ERICH3: variants seen among roughly 807,000 people sequenced by gnomAD.
ERICH3 encodes the protein glutamate-rich protein 3.
A neutral mutation model predicts 131.1 loss-of-function variants in ERICH3; 126 were observed. The ratio of observed to expected loss-of-function variants is 0.96; its 90% CI spans 0.83 to 1.11. The LOEUF is 1.11. Among genes scored for constraint, ERICH3 ranks in the 50% most tolerant of loss-of-function variants. The pLI is 0.00. For missense variants in ERICH3, 2,050 were observed against 1,810.7 expected, an observed-to-expected ratio of 1.13 and a Z score of -2.40; for synonymous variants, 695 against 644.6, an observed-to-expected ratio of 1.08 and a Z score of -1.18.
chr1:74,598,037 C>A (rs1391716392), intron 11 of ERICH3, among the ~76,000 whole-genome samples: 3 of 151,880 alleles, frequency 2.0e-5, no homozygotes, highest in South Asian at 2.1e-4. Flanking sequence ...CTTGCATTTT[C>A]TTTTCTAACT....
At chr1:74,629,545 T>A (rs1441535265) in intron 7 of ERICH3, among the ~76,000 whole-genome samples, 1 of 152,100 alleles carries the variant, frequency 6.6e-6, no homozygotes, top group Non-Finnish European at 1.5e-5. Context: ...GCTTCACTTG[T>A]CACGACCCTG....
intron 12 of ERICH3, among the ~76,000 whole-genome samples, chr1:74,582,305 T>C (rs1226178824): frequency 6.6e-6 from 1 of 152,200 alleles, no homozygotes; most frequent in Non-Finnish European, 1.5e-5. Flanking sequence ...AAACACAAGA[T>C]AGCTCCTGAT....
chr1:74,599,171 C>T (rs1441809284), intron 11 of ERICH3, among the ~76,000 whole-genome samples: 1 of 151,854 alleles, frequency 6.6e-6, no homozygotes, highest in African/African-American at 2.4e-5. Flanking sequence ...TCCTTCCAAA[C>T]AATTTGTTAC....
rs749652058 is a variant in ERICH3, at chr1:74,571,644, C to T, written c.4066G>A (p.Glu1356Lys). The stretch of plus-strand genomic sequence containing the variant: ...TCCGAACCTGCCAACACCTCCCTCT[C>T]CTCTGCGGCTGTTTCTGCCGTTTCA... ...GGETAETAAE[E>K]REVLAGSETA... The change falls in exon 14 of 15, where the codon GAG becomes AAG. Residue 1356 changes from glutamate to lysine, a missense_variant. By Grantham distance (56) the Glu-to-Lys change is moderately conservative (BLOSUM62 1). Transcript: ENST00000326665. 8.7e-6 allele frequency: 14 copies of T among 1,614,058 alleles called. No homozygotes were observed. Among genetic ancestry groups the T allele is most frequent in the Non-Finnish European group, 1.2e-5 (14 of 1,180,038 alleles).
At chr1:74,584,753 G>T (rs553867721) in intron 12 of ERICH3, among the ~76,000 whole-genome samples, 1 of 152,206 alleles carries the variant, frequency 6.6e-6, no homozygotes, top group Admixed American at 6.5e-5. Context: ...AATTCATGTG[G>T]AAAGGGACTC....
At chr1:74,611,447 C>G (rs570801529) in intron 9 of ERICH3, among the ~76,000 whole-genome samples, 1 of 152,084 alleles carries the variant, frequency 6.6e-6, no homozygotes, top group Non-Finnish European at 1.5e-5. Flanking sequence ...TGATATTTTC[C>G]CCACACACCC....
chr1:74,668,823 G>A (rs973426973), intron 1 of ERICH3, among the ~76,000 whole-genome samples: 2 of 151,986 alleles, frequency 1.3e-5, no homozygotes, highest in African/African-American at 4.8e-5. Flanking sequence ...TTAACAGGAG[G>A]GTGAATAGAA....
chr1:74,663,182 A>G (rs914154657), intron 1 of ERICH3, among the ~76,000 whole-genome samples: 21 of 152,144 alleles, frequency 1.4e-4, no homozygotes, highest in Non-Finnish European at 2.2e-4. Flanking sequence ...GCTACCAGAC[A>G]CCAAGCGAAC....
chr1:74,649,201 G>A (rs1298079287), intron 2 of ERICH3, 21 bp downstream of exon 2: 1 of 1,551,158 alleles, frequency 6.4e-7, no homozygotes, highest in South Asian at 1.2e-5. Flanking sequence ...GAAGGTCAGT[G>A]GAAAGTAAAC....
chr1:74,608,298 C>A (rs911979500), intron 9 of ERICH3, among the ~76,000 whole-genome samples: 3 of 151,976 alleles, frequency 2.0e-5, no homozygotes, highest in African/African-American at 7.2e-5. Flanking sequence ...AAAAATGTTT[C>A]TGGTAGTTAT....
At chr1:74,577,114 T>G (rs981834106) in intron 12 of ERICH3, 178 bp from the exon 13 acceptor site, 2 of 540,432 alleles carry the variant, frequency 3.7e-6, no homozygotes, top group Non-Finnish European at 6.5e-6. Context: ...TTGTATAATC[T>G]AATGTTCTTT....
intron 1 of ERICH3, among the ~76,000 whole-genome samples, chr1:74,659,988 C>T (rs1323360624): frequency 2.0e-5 from 3 of 152,122 alleles, no homozygotes; most frequent in Non-Finnish European, 4.4e-5. Flanking sequence ...TGTGTCCCCA[C>T]CCAAATCTCA....
intron 7 of ERICH3, chr1:74,625,507 T>A (rs1022278668): frequency 4.6e-5 from 7 of 152,140 alleles, no homozygotes; most frequent in Admixed American, 3.3e-4. Flanking sequence ...TTCTCTAATC[T>A]CCTCGGTCAA....
chr1:74,584,198 C>G (rs1647234624), intron 12 of ERICH3, among the ~76,000 whole-genome samples: 1 of 152,122 alleles, frequency 6.6e-6, no homozygotes, highest in Non-Finnish European at 1.5e-5. Context: ...CACAAAATAC[C>G]AGGATTAATT....
At chr1:74,672,167 T>C (rs373908542) in intron 1 of ERICH3, among the ~76,000 whole-genome samples, 25 of 152,274 alleles carry the variant, frequency 1.6e-4, no homozygotes, top group African/African-American at 3.1e-4. Flanking sequence ...TTGAAAAACA[T>C]AGGAAGACAA....
At chr1:74,574,097 C>A (rs1400111614) in intron 13 of ERICH3, among the ~76,000 whole-genome samples, 1 of 150,932 alleles carries the variant, frequency 6.6e-6, no homozygotes, top group East Asian at 2.0e-4. Flanking sequence ...CTCAAGCAAT[C>A]TTCCTGCCTC....
intron 1 of ERICH3, among the ~76,000 whole-genome samples, chr1:74,670,138 T>A (rs1646727845): frequency 6.6e-6 from 1 of 152,226 alleles, no homozygotes; most frequent in Admixed American, 6.5e-5. Flanking sequence ...TATTTGTGCT[T>A]ATTGTTTTCA....
chr1:74,589,776 G>T lies in ERICH3; in HGVS notation c.2031C>A (p.Thr677=). 6.2e-7 allele frequency: 1 copy of T among 1,613,958 alleles called. No homozygotes were observed. Residue 677 remains threonine (T), a synonymous_variant, in exon 12 of 15, where the codon ACC becomes ACA. Coordinates refer to ENST00000326665, the MANE Select transcript of ERICH3 (RefSeq NM_001002912.5). ...NVLKEGTEKG[T]QEIAEGLSEK... ...CAGATAAACCCTCTGCAATCTCTTG[G>T]GTTCCTTTCTCCGTTCCTTCTTTAA...
intron 12 of ERICH3, among the ~76,000 whole-genome samples, chr1:74,585,665 C>T (rs914258605): frequency 6.6e-6 from 1 of 152,096 alleles, no homozygotes; most frequent in East Asian, 1.9e-4. Context: ...TAATTAAATA[C>T]CATACAAATG....
Sources: gnomAD v4.1 joint callset for allele counts (sites outside exome capture counted in the v4.1 genomes callset) on GRCh38, gnomAD v4.1.1 for gene constraint, MANE v1.5 for transcripts, NCBI Gene and HGNC (gene_info 2026-07-23, HGNC 2026-07-21) for gene names.